Variants in COMMD10 observed in about 807,000 individuals in gnomAD.
COMMD10 encodes the protein COMM domain-containing protein 10.
COMMD10 carries 33 observed loss-of-function variants against 28.9 expected under a neutral mutation model. The observed-to-expected ratio is 1.14, with a 90% CI of 0.87 to 1.53. The LOEUF is 1.53. COMMD10 is among the 40% of genes most tolerant of loss of function. COMMD10 has a pLI of 0.00. For synonymous variants in COMMD10, 110 were observed against 81.7 expected (o/e 1.35, Z -1.87); for missense variants, 310 against 233.4 (o/e 1.33, Z -2.14).
At chr5:116,086,521 C>G (rs568464509) in intron 1 of COMMD10, among the ~76,000 whole-genome samples, 67 of 152,020 alleles carry the variant, frequency 4.4e-4, no homozygotes, top group African/African-American at 1.3e-3. Flanking sequence ...TGCAATGGCG[C>G]CATCTCGGCT....
Position 116,116,812 on chromosome 5 carries a change from G to A in COMMD10, c.400-17256G>A, listed in dbSNP as rs114533393. On this transcript the variant is annotated intron_variant, in intron 4 of 6. Coordinates refer to ENST00000274458, the MANE Select transcript of COMMD10 (RefSeq NM_016144.4). ...CGGCTCACTGCAAGCTCCGCTTCCCGGGTTCACGCCATTCTCCTGCCTCAG... is the reference window on the plus strand; with the variant it reads ...CGGCTCACTGCAAGCTCCGCTTCCCAGGTTCACGCCATTCTCCTGCCTCAG... Among the ~76,000 whole-genome samples the A allele has an allele frequency of 1.2e-4, 18 of 150,746 alleles. No individual in the cohort carries two copies. The East Asian group carries it at 2.4e-3, about 20-fold the overall frequency.
At chr5:116,107,368 G>C (rs1580449861) in intron 4 of COMMD10, among the ~76,000 whole-genome samples, 1 of 152,016 alleles carries the variant, frequency 6.6e-6, no homozygotes, top group Admixed American at 6.5e-5. Context: ...TGGAGGCTTT[G>C]TTCATTTCTT....
chr5:116,094,255 A>G (rs1750398272), intron 4 of COMMD10, among the ~76,000 whole-genome samples: 1 of 152,218 alleles, frequency 6.6e-6, no homozygotes, highest in Non-Finnish European at 1.5e-5. Context: ...GGGATAAAAT[A>G]TTTACAAACT....
At chr5:116,142,720 CTT>C (rs1480348484) in intron 5 of COMMD10, among the ~76,000 whole-genome samples, 4 of 151,668 alleles carry the variant, frequency 2.6e-5, no homozygotes, top group African/African-American at 7.3e-5. Context: ...CTCTTTTAAA[CTT>C]TTGTATTACT....
intron 5 of COMMD10, among the ~76,000 whole-genome samples, chr5:116,250,178 A>C (rs923997607): frequency 5.6e-5 from 7 of 124,334 alleles, no homozygotes; most frequent in Admixed American, 1.5e-4. Context: ...TGATACCTGG[A>C]AAAAATTACA....
At chr5:116,134,958 T>C (rs12514600) in intron 5 of COMMD10, among the ~76,000 whole-genome samples, 3 of 152,186 alleles carry the variant, frequency 2.0e-5, no homozygotes, top group Non-Finnish European at 4.4e-5. Context: ...TACTTTATTA[T>C]TAATTTCAGA....
chr5:116,162,882 A>AC (rs1561641020), intron 5 of COMMD10, among the ~76,000 whole-genome samples: 3 of 106,968 alleles, frequency 2.8e-5, no homozygotes, highest in Non-Finnish European at 5.1e-5. Flanking sequence ...TTTTTAAAAA[A>AC]TTATCAGATA....
intron 4 of COMMD10, among the ~76,000 whole-genome samples, chr5:116,108,273 C>T (rs192617653): frequency 1.1e-3 from 162 of 152,360 alleles, no homozygotes; most frequent in Non-Finnish European, 1.9e-3. Context: ...GCTGCACCCA[C>T]AGCCACCCCT....
chr5:116,127,996 T>C (rs769295147), intron 4 of COMMD10, among the ~76,000 whole-genome samples: 8 of 152,056 alleles, frequency 5.3e-5, no homozygotes, highest in Non-Finnish European at 8.8e-5. Flanking sequence ...AAAAATTGTT[T>C]TGTGAAACCT....
intron 4 of COMMD10, 45 bp downstream of exon 4, chr5:116,092,745 C>T: frequency 7.6e-7 from 1 of 1,314,896 alleles, no homozygotes; most frequent in Non-Finnish European, 1.0e-6. Flanking sequence ...TAACATATGG[C>T]ATAAATTATT....
chr5:116,156,223 G>A (rs927305512), intron 5 of COMMD10, among the ~76,000 whole-genome samples: 1 of 152,078 alleles, frequency 6.6e-6, no homozygotes, highest in African/African-American at 2.4e-5. Context: ...GACCAGTGGT[G>A]GCACTGGTAT....
intron 5 of COMMD10, among the ~76,000 whole-genome samples, chr5:116,218,623 T>C (rs1439404602): frequency 6.6e-6 from 1 of 152,110 alleles, no homozygotes; most frequent in African/African-American, 2.4e-5. Context: ...TGGTAAGAGC[T>C]TCCCTATTCC....
At chr5:116,151,023 A>G (rs563054727) in intron 5 of COMMD10, among the ~76,000 whole-genome samples, 2 of 150,516 alleles carry the variant, frequency 1.3e-5, no homozygotes, top group South Asian at 2.1e-4. Flanking sequence ...ATTATTTTGA[A>G]ATACGTCCCA....
chr5:116,221,625 T>C (rs1749261108), intron 5 of COMMD10, among the ~76,000 whole-genome samples: 1 of 152,188 alleles, frequency 6.6e-6, no homozygotes, highest in African/African-American at 2.4e-5. Flanking sequence ...TTAGTAGTAA[T>C]TATTTGGTTT....
In COMMD10 at chr5:116,085,327, T is replaced by C. The variant is rs1580431027; in HGVS notation, c.41+234T>C. On this transcript the variant is annotated intron_variant, in intron 1 of 6. Coordinates refer to ENST00000274458, the MANE Select transcript of COMMD10 (RefSeq NM_016144.4). ...TGGGGCTCACAGTGCGCCTGGCAGC[T>C]GAGGTCTGTACGGAAGCGTGTGGTC... 4 of 559,302 alleles carry C rather than the reference T, an allele frequency of 7.2e-6. 1 individual carries two copies. The South Asian group carries it at 8.7e-5, about 12-fold the overall frequency. The allele number at this position is 559,302 out of a possible 1,614,324, so 34.6% of individuals were successfully genotyped here. A position where few individuals can be genotyped will look rare whatever the true frequency, so the allele number is the denominator to read the frequency against.
intron 5 of COMMD10, among the ~76,000 whole-genome samples, chr5:116,222,643 C>G (rs147871375): frequency 3.9e-5 from 6 of 152,200 alleles, no homozygotes; most frequent in Admixed American, 2.0e-4. Context: ...GCCTTTTGTT[C>G]ACAAAAGAGC....
chr5:116,219,048 C>T (rs569024406), intron 5 of COMMD10, among the ~76,000 whole-genome samples: 1 of 152,120 alleles, frequency 6.6e-6, no homozygotes, highest in Admixed American at 6.5e-5. Context: ...AGACTAGCTA[C>T]CAGGTGTCTG....
chr5:116,157,231 A>AT (rs1752746365), intron 5 of COMMD10, among the ~76,000 whole-genome samples: 1 of 152,070 alleles, frequency 6.6e-6, no homozygotes, highest in African/African-American at 2.4e-5. Flanking sequence ...TTTTATTTTT[A>AT]TTTTTTTAAA....
chr5:116,095,339 A>G (rs1750433839), intron 4 of COMMD10, among the ~76,000 whole-genome samples: 1 of 152,224 alleles, frequency 6.6e-6, no homozygotes, highest in Admixed American at 6.5e-5. Context: ...TTTGTGTTAG[A>G]TGATTTTGCT....
Sources: allele counts gnomAD v4.1 joint callset (sites outside exome capture counted in the v4.1 genomes callset), GRCh38; gene constraint gnomAD v4.1.1; transcripts MANE v1.5; gene names NCBI Gene and HGNC (gene_info 2026-07-23, HGNC 2026-07-21).